Variants in DCAF8L2 observed in about 807,000 individuals in gnomAD.
The protein encoded by DCAF8L2 is DDB1- and CUL4-associated factor 8-like protein 2.
For synonymous variants in DCAF8L2, 200 were observed against 190.9 expected (o/e 1.05, Z -0.39); for missense variants, 430 against 490.7 (o/e 0.88, Z 1.17).
At chrX:27,559,547 A>G in the DCAF8L2 span, among the ~76,000 whole-genome samples, 1 of 111,749 alleles carries the variant, frequency 8.9e-6, no homozygotes, top group African/African-American at 3.3e-5. Flanking sequence ...ATGTTGAACA[A>G]TCATTGGCTG....
chrX:27,488,892 G>C, the DCAF8L2 span, among the ~76,000 whole-genome samples: 2 of 109,677 alleles, frequency 1.8e-5, no homozygotes, highest in Admixed American at 9.8e-5. Context: ...GTCTTCAAGC[G>C]ATCCTCCCAC....
intron 1 of DCAF8L2, among the ~76,000 whole-genome samples, chrX:27,592,925 A>G (rs111317641): frequency 0.085 from 9,309 of 109,123 alleles, 816 homozygotes; most frequent in African/African-American, 0.27. Flanking sequence ...CAGCCTCTCA[A>G]GTAGCTGGGA....
intron 3 of DCAF8L2, among the ~76,000 whole-genome samples, chrX:27,697,865 A>C (rs1930984067): frequency 9.0e-6 from 1 of 110,972 alleles, no homozygotes; most frequent in South Asian, 3.7e-4. Flanking sequence ...AAGAAGAAAG[A>C]GAGAAAGAAA....
intron 2 of DCAF8L2, among the ~76,000 whole-genome samples, chrX:27,639,992 G>C (rs1158453199): frequency 2.9e-5 from 3 of 102,471 alleles, no homozygotes; most frequent in African/African-American, 1.1e-4. Context: ...ACAACGTGCA[G>C]GTTTGTTACA....
At chrX:27,512,801 A>AAC in the DCAF8L2 span, among the ~76,000 whole-genome samples, 70 of 88,638 alleles carry the variant, frequency 7.9e-4, no homozygotes, top group African/African-American at 2.1e-3. Flanking sequence ...AAAAAAAAAA[A>AAC]AAAAAAAAAC....
chrX:27,613,871 T>C (rs1291228638), intron 1 of DCAF8L2, among the ~76,000 whole-genome samples: 1 of 111,693 alleles, frequency 9.0e-6, no homozygotes, highest in Non-Finnish European at 1.9e-5. Context: ...TTATTGAGGA[T>C]GTTTGCATCG....
At chrX:27,495,913 A>G in the DCAF8L2 span, among the ~76,000 whole-genome samples, 1 of 111,524 alleles carries the variant, frequency 9.0e-6, no homozygotes, top group Non-Finnish European at 1.9e-5. Flanking sequence ...TGTCTTTTAA[A>G]TTTGTATTTC....
chrX:27,623,440 G>A (rs748092066), intron 1 of DCAF8L2, among the ~76,000 whole-genome samples: 5 of 111,065 alleles, frequency 4.5e-5, no homozygotes, highest in Non-Finnish European at 7.6e-5. Flanking sequence ...AATGCTTTTA[G>A]TAAATATACC....
chrX:27,678,113 G>T (rs1438049897), intron 3 of DCAF8L2, among the ~76,000 whole-genome samples: 1 of 112,043 alleles, frequency 8.9e-6, no homozygotes, highest in Non-Finnish European at 1.9e-5. Flanking sequence ...TTTCTGGTTT[G>T]CTTCTGTGCC....
the DCAF8L2 span, among the ~76,000 whole-genome samples, chrX:27,554,765 G>A: frequency 9.0e-6 from 1 of 111,471 alleles, no homozygotes; most frequent in African/African-American, 3.3e-5. Flanking sequence ...CGAGATTACA[G>A]CTGCCAATCA....
the DCAF8L2 span, among the ~76,000 whole-genome samples, chrX:27,501,921 C>T: frequency 4.5e-5 from 5 of 110,257 alleles, no homozygotes; most frequent in Admixed American, 3.9e-4. Context: ...TGCCCAAGGC[C>T]GTAGATAAGG....
At chrX:27,710,120 A>AT (rs1297740493) in intron 3 of DCAF8L2, among the ~76,000 whole-genome samples, 1 of 111,133 alleles carries the variant, frequency 9.0e-6, no homozygotes. Context: ...TTTTCTATCC[A>AT]TTTTCTGTAC....
intron 3 of DCAF8L2, among the ~76,000 whole-genome samples, chrX:27,698,394 A>G (rs1931006681): frequency 8.9e-6 from 1 of 111,793 alleles, no homozygotes; most frequent in Non-Finnish European, 1.9e-5. Context: ...TGCCTTTGGC[A>G]TATGGGGGTT....
chrX:27,611,443 G>C (rs1176176315), intron 1 of DCAF8L2, among the ~76,000 whole-genome samples: 2 of 109,009 alleles, frequency 1.8e-5, no homozygotes, highest in Non-Finnish European at 3.8e-5. Flanking sequence ...CTACCCATCT[G>C]ACCCATATAT....
At chrX:27,608,266 T>G (rs1926999833) in intron 1 of DCAF8L2, among the ~76,000 whole-genome samples, 2 of 111,647 alleles carry the variant, frequency 1.8e-5, no homozygotes, top group African/African-American at 6.5e-5. Flanking sequence ...CTGCTGAAAA[T>G]GTTTTAAAAA....
Position 27,636,965 on chromosome X carries a change from G to A in DCAF8L2, c.-220+4965G>A, listed in dbSNP as rs1322353456. On this transcript the variant is annotated intron_variant, in intron 2 of 4. Transcript: ENST00000451261. ...GATTTCCATGCTCTGGCCACTAGGA[G>A]ACGAGAAGAGGACAGATTTTACCTT... 3.6e-5 allele frequency among the ~76,000 whole-genome samples: 4 copies of A among 111,509 alleles called. No homozygotes were observed. The Admixed American group carries it at 3.8e-4, about 11-fold the overall frequency.
At chrX:27,499,004 G>A in the DCAF8L2 span, among the ~76,000 whole-genome samples, 3 of 111,965 alleles carry the variant, frequency 2.7e-5, no homozygotes, top group African/African-American at 9.7e-5. Flanking sequence ...CCATATCTTG[G>A]TTATTGTGAA....
chrX:27,552,058 G>A, the DCAF8L2 span, among the ~76,000 whole-genome samples: 2 of 111,214 alleles, frequency 1.8e-5, no homozygotes, highest in Non-Finnish European at 3.8e-5. Context: ...ATCTCATTGT[G>A]CTTTTGATTT....
chrX:27,722,646 G>A (rs1569192883), intron 4 of DCAF8L2, among the ~76,000 whole-genome samples: 1 of 110,082 alleles, frequency 9.1e-6, no homozygotes, highest in Non-Finnish European at 1.9e-5. Flanking sequence ...AGGATTGTCT[G>A]TGTGTGTGTG....
Sources: allele counts gnomAD v4.1 joint callset (sites outside exome capture counted in the v4.1 genomes callset), GRCh38; gene constraint gnomAD v4.1.1; transcripts MANE v1.5; gene names NCBI Gene and HGNC (gene_info 2026-07-23, HGNC 2026-07-21).